The following MYO1E variants were observed in gnomAD, a reference collection of about 807,000 sequenced individuals.
MYO1E encodes unconventional myosin-Ie.
In MYO1E, 68 loss-of-function variants were observed where a neutral mutation model predicts 151.1. That is an observed-to-expected ratio of 0.45 (90% CI 0.37 to 0.55). MYO1E has a LOEUF of 0.55. Ranked by LOEUF, MYO1E falls within the 20% of genes least tolerant of loss-of-function variation. The pLI, the probability that MYO1E is intolerant of heterozygous loss-of-function variation, is 0.00. For synonymous variants in MYO1E, 601 were observed against 501.7 expected, an observed-to-expected ratio of 1.20 and a Z score of -2.64; for missense variants, 1,363 against 1,389.3, an observed-to-expected ratio of 0.98 and a Z score of 0.30.
intron 21 of MYO1E, 126 bp downstream of exon 21, chr15:59,173,620 G>C (rs1879375844): frequency 1.7e-6 from 2 of 1,188,672 alleles, no homozygotes; most frequent in Non-Finnish European, 2.5e-6. Context: ...TTGGTTTACT[G>C]TATTTTCTCT....
chr15:59,335,530 A>C (rs1400196071), intron 1 of MYO1E, among the ~76,000 whole-genome samples: 1 of 152,066 alleles, frequency 6.6e-6, no homozygotes, highest in African/African-American at 2.4e-5. Flanking sequence ...GTTCTACCTC[A>C]AGGGCTGCTT....
chr15:59,170,656 G>A (rs1278777872), intron 22 of MYO1E, among the ~76,000 whole-genome samples: 5 of 152,026 alleles, frequency 3.3e-5, no homozygotes, highest in African/African-American at 1.2e-4. Context: ...GGACACTGCG[G>A]ACTCATCTGC....
rs1248479062 is a variant in MYO1E at position 59,218,011 on chromosome 15, A to C, written c.987T>G (p.Asp329Glu). ...LKEKLTSRQM[D>E]SKWGGKSESI... is the part of the protein sequence containing the mutation. ...ATTCGGATTTGCCTCCCCACTTGCT[A>C]TCCATCTGCCGGCTTGTTAGCTTTT... The change falls in exon 10 of 28, where the codon GAT becomes GAG. Residue 329 changes from aspartate (D) to glutamate (E), a missense_variant. Transcript: ENST00000288235. The C allele has an allele frequency of 5.0e-6, 8 of 1,614,078 alleles. No homozygotes were observed. The highest frequency in any genetic ancestry group is 5.9e-6 in the Non-Finnish European group (7 of 1,180,032).
Position 59,178,556 on chromosome 15 carries a change from G to C in MYO1E, c.1905-19C>G. 1 of 1,613,446 alleles carries C rather than the reference G, an allele frequency of 6.2e-7. No individual in the cohort carries two copies. The highest frequency in any genetic ancestry group is 8.5e-7 in the Non-Finnish European group (1 of 1,179,514). ...GGCATACCTGTGGGGACATTGGGGA[G>C]AAGAGAATCACACTTGGGCGGGACC... On this transcript the variant is annotated intron_variant, in intron 18 of 27. Transcript: ENST00000288235.
intron 26 of MYO1E, among the ~76,000 whole-genome samples, chr15:59,143,468 TG>T (rs1242567524): frequency 6.6e-6 from 1 of 152,154 alleles, no homozygotes; most frequent in African/African-American, 2.4e-5. Context: ...GCTGCTTTGC[TG>T]GGGCGGCATA....
Position 59,303,985 on chromosome 15 carries a change from T to TTC in MYO1E, c.4-31537_4-31536insGA, listed in dbSNP as rs1555418469. ...CTATTTTCATTTTCTTTTCTTTCTT[T>TTC]TTTTTTTTTTTTTTTAGAGGGAGTT... On this transcript the variant is annotated intron_variant, in intron 1 of 27. Coordinates refer to ENST00000288235, the MANE Select transcript of MYO1E (RefSeq NM_004998.4). Among the ~76,000 whole-genome samples the TTC allele has an allele frequency of 4.7e-5, 7 of 148,236 alleles. No homozygotes were observed. The East Asian group carries it at 1.2e-3, about 25-fold the overall frequency.
chr15:59,271,009 G>A (rs2080286028), intron 2 of MYO1E: 2 of 152,170 alleles, frequency 1.3e-5, no homozygotes, highest in Non-Finnish European at 2.9e-5. Context: ...GAAAACAGAG[G>A]TTCAGAGGTT....
chr15:59,149,435 G>A (rs376384374), intron 26 of MYO1E, among the ~76,000 whole-genome samples: 1 of 151,792 alleles, frequency 6.6e-6, no homozygotes, highest in African/African-American at 2.4e-5. Context: ...CCTGAATTAA[G>A]ACTTCTCAAA....
intron 26 of MYO1E, among the ~76,000 whole-genome samples, chr15:59,142,250 A>G (rs1462291018): frequency 6.6e-6 from 1 of 152,234 alleles, no homozygotes; most frequent in Non-Finnish European, 1.5e-5. Flanking sequence ...TTGAACCCAC[A>G]GATGCTAATT....
At chr15:59,173,296 G>A (rs2079606282) in intron 21 of MYO1E, among the ~76,000 whole-genome samples, 2 of 152,148 alleles carry the variant, frequency 1.3e-5, no homozygotes. Context: ...AGTTACGATA[G>A]TAAAAAAGAA....
At chr15:59,230,307 TA>T (rs1243113859) in intron 6 of MYO1E, among the ~76,000 whole-genome samples, 1 of 151,934 alleles carries the variant, frequency 6.6e-6, no homozygotes, top group Admixed American at 6.6e-5. Context: ...CAGGGTTGTA[TA>T]AAATTTTGCA....
chr15:59,269,054 A>G (rs2080274643), intron 2 of MYO1E, among the ~76,000 whole-genome samples: 1 of 152,116 alleles, frequency 6.6e-6, no homozygotes, highest in African/African-American at 2.4e-5. Context: ...GGAAATGAAG[A>G]CTTCTATGGG....
At chr15:59,337,156 AT>A in intron 1 of MYO1E, among the ~76,000 whole-genome samples, 1 of 152,178 alleles carries the variant, frequency 6.6e-6, no homozygotes, top group Non-Finnish European at 1.5e-5. Flanking sequence ...TTTTATTATT[AT>A]GAATATTTCC....
intron 1 of MYO1E, among the ~76,000 whole-genome samples, chr15:59,281,011 A>C (rs1055069929): frequency 2.6e-5 from 4 of 152,136 alleles, no homozygotes; most frequent in Non-Finnish European, 5.9e-5. Context: ...CTAGAGGATG[A>C]GGACAAGGGT....
At chr15:59,240,490 C>A (rs1382235449) in intron 4 of MYO1E, among the ~76,000 whole-genome samples, 1 of 152,136 alleles carries the variant, frequency 6.6e-6, no homozygotes, top group Non-Finnish European at 1.5e-5. Context: ...ATGGTATAAT[C>A]CAAGGACCAT....
chr15:59,260,778 C>T (rs2080220027), intron 3 of MYO1E, among the ~76,000 whole-genome samples: 1 of 151,958 alleles, frequency 6.6e-6, no homozygotes, highest in Admixed American at 6.6e-5. Context: ...ATTTTTTTAC[C>T]CATAACTGAT....
At chr15:59,144,796 C>T (rs1306582332) in intron 26 of MYO1E, among the ~76,000 whole-genome samples, 1 of 152,188 alleles carries the variant, frequency 6.6e-6, no homozygotes, top group Non-Finnish European at 1.5e-5. Flanking sequence ...GCAATCTCCT[C>T]TGCGTCACTA....
chr15:59,372,409 G>GCGCCCAAGGTGGGT, intron 1 of MYO1E, 89 bp downstream of exon 1: 3 of 1,493,452 alleles, frequency 2.0e-6, no homozygotes, highest in East Asian at 2.5e-5. Flanking sequence ...CCCTGGCCCC[G>GCGCCCAAGGTGGGT]GCAGCGCGCC....
At position 59,272,199 on chromosome 15, in the gene MYO1E, G is replaced by C. The variant is rs984200447; in HGVS notation, c.147+107C>G. Reference sequence around the variant, plus strand: ...GGAACTCCTGCCTTAGCCTTCCAAAGTGCTGGGATTACACACGTGAGCCAC... The same window carrying C: ...GGAACTCCTGCCTTAGCCTTCCAAACTGCTGGGATTACACACGTGAGCCAC... On this transcript the variant is annotated intron_variant, in intron 2 of 27. Coordinates refer to ENST00000288235, the MANE Select transcript of MYO1E (RefSeq NM_004998.4). The C allele has an allele frequency of 2.8e-5, 37 of 1,303,262 alleles. No individual in the cohort carries two copies. In the Admixed American group the frequency reaches 6.1e-4, roughly 21 times the overall value. 80.7% of individuals were successfully genotyped at this position (1,303,262 alleles called of 1,614,324 possible).
Sources: gnomAD v4.1 joint callset for allele counts (sites outside exome capture counted in the v4.1 genomes callset) on GRCh38, gnomAD v4.1.1 for gene constraint, MANE v1.5 for transcripts, NCBI Gene and HGNC (gene_info 2026-07-23, HGNC 2026-07-21) for gene names.